The following SLIT1 variants were observed in gnomAD, a reference collection of about 807,000 sequenced individuals.
The protein encoded by SLIT1 is slit homolog 1 protein.
SLIT1 carries 66 observed loss-of-function variants against 186.1 expected under a neutral mutation model. That is an observed-to-expected ratio of 0.35 (90% confidence interval 0.29 to 0.44). SLIT1 has a LOEUF of 0.44. Ranked by LOEUF, SLIT1 falls within the 20% of genes least tolerant of loss-of-function variation. SLIT1 has a pLI of 1.00. For missense variants in SLIT1, 1,638 were observed against 2,037.4 expected (o/e 0.80, Z 3.77); for synonymous variants, 761 against 833.8 (o/e 0.91, Z 1.50).
intron 23 of SLIT1, among the ~76,000 whole-genome samples, chr10:97,032,955 C>G (rs1026261524): frequency 6.6e-6 from 1 of 152,148 alleles, no homozygotes; most frequent in African/African-American, 2.4e-5. Context: ...AACTAACCTA[C>G]AGTGACAGAA....
chr10:97,024,618 A>T (rs1395593219), intron 25 of SLIT1, among the ~76,000 whole-genome samples: 1 of 152,250 alleles, frequency 6.6e-6, no homozygotes, highest in Admixed American at 6.5e-5. Context: ...GATAACAGGA[A>T]TTTTTAAATG....
intron 13 of SLIT1, among the ~76,000 whole-genome samples, chr10:97,052,069 G>T (rs1848792582): frequency 6.6e-6 from 1 of 151,036 alleles, no homozygotes; most frequent in South Asian, 2.1e-4. Context: ...AGTCACAAAA[G>T]ATGGCATATT....
At chr10:97,037,100 A>ATGTG (rs1284444649) in intron 22 of SLIT1, among the ~76,000 whole-genome samples, 1 of 75,460 alleles carries the variant, frequency 1.3e-5, no homozygotes, top group Non-Finnish European at 2.7e-5. Context: ...GTGTGTGTGT[A>ATGTG]TGTGTGTGTG....
chr10:97,166,770 T>C (rs1194517065), intron 1 of SLIT1, among the ~76,000 whole-genome samples: 2 of 152,118 alleles, frequency 1.3e-5, no homozygotes, highest in African/African-American at 2.4e-5. Context: ...CTTTTCTGCA[T>C]CATCCAGGAA....
Position 97,059,544 on chromosome 10 carries a change from CAGA to C in SLIT1, c.1014-16_1014-14del. ...GTTGCTCAGGTCTCTGCAAGGTGAG[CAGA>C]AGGAGAGGGGGCATCTGAATCCCTC... is the stretch of plus-strand genomic sequence containing the variant. On this transcript the variant is annotated splice_polypyrimidine_tract_variant and intron_variant, in intron 10 of 36. Transcript: ENST00000266058. The C allele has an allele frequency of 6.2e-7, 1 of 1,612,382 alleles. No homozygotes were observed. Among genetic ancestry groups the C allele is most frequent in the Non-Finnish European group, 8.5e-7 (1 of 1,178,934 alleles).
At chr10:97,044,164 G>A (rs776280628) in intron 18 of SLIT1, among the ~76,000 whole-genome samples, 19 of 152,232 alleles carry the variant, frequency 1.2e-4, no homozygotes, top group Non-Finnish European at 2.6e-4. Context: ...CACTTTGGGA[G>A]GCCAAGGATT....
At chr10:97,036,245 C>T (rs575835549) in intron 22 of SLIT1, among the ~76,000 whole-genome samples, 1 of 152,208 alleles carries the variant, frequency 6.6e-6, no homozygotes, top group Non-Finnish European at 1.5e-5. Flanking sequence ...GAATGTTCAA[C>T]ACACTTTGTG....
intron 23 of SLIT1, among the ~76,000 whole-genome samples, chr10:97,033,163 C>G (rs1232304040): frequency 6.6e-6 from 1 of 152,080 alleles, no homozygotes; most frequent in Non-Finnish European, 1.5e-5. Flanking sequence ...ATCCTCCCAC[C>G]TCAGCCCCCC....
chr10:97,169,649 T>A (rs929083069), intron 1 of SLIT1, among the ~76,000 whole-genome samples: 8 of 152,216 alleles, frequency 5.3e-5, no homozygotes, highest in Admixed American at 1.3e-4. Flanking sequence ...GCCTCGAGTG[T>A]CAGGAAGATC....
chr10:97,040,434 G>A (rs983576230), intron 20 of SLIT1, among the ~76,000 whole-genome samples: 3 of 152,106 alleles, frequency 2.0e-5, no homozygotes, highest in Admixed American at 2.0e-4. Context: ...CTGCTACTCC[G>A]GGCACTGGAT....
At chr10:97,155,188 G>A (rs1449130445) in intron 4 of SLIT1, 5 of 152,268 alleles carry the variant, frequency 3.3e-5, no homozygotes, top group African/African-American at 1.2e-4. Flanking sequence ...GCCCTACCAT[G>A]TATGGGTAAG....
chr10:97,035,431 G>T (rs992746060), intron 22 of SLIT1, among the ~76,000 whole-genome samples: 2 of 152,016 alleles, frequency 1.3e-5, no homozygotes, highest in African/African-American at 4.8e-5. Context: ...CATCCCCCAG[G>T]CTCCAGCTCC....
intron 36 of SLIT1, 49 bp from the exon 37 acceptor site, chr10:97,001,399 GAGC>G: frequency 3.5e-6 from 5 of 1,445,600 alleles, no homozygotes; most frequent in Non-Finnish European, 4.8e-6. Flanking sequence ...ACCCATGGGT[GAGC>G]TGCTGCCTCC....
At chr10:97,013,930 C>G (rs986233380) in intron 29 of SLIT1, 89 bp downstream of exon 29, 5 of 1,559,824 alleles carry the variant, frequency 3.2e-6, no homozygotes, top group Non-Finnish European at 4.4e-6. Flanking sequence ...GACACTGAGG[C>G]AGGGATCCCC....
chr10:97,014,190 C>T (rs570545564), intron 28 of SLIT1, 32 bp from the exon 29 acceptor site: 2 of 1,609,872 alleles, frequency 1.2e-6, no homozygotes, highest in African/African-American at 1.3e-5. Flanking sequence ...GGAGAGACAG[C>T]CCTCTTGGAA....
At chr10:97,141,668 C>CACTGT (rs1554853309) in intron 4 of SLIT1, among the ~76,000 whole-genome samples, 2 of 108,846 alleles carry the variant, frequency 1.8e-5, no homozygotes, top group African/African-American at 7.9e-5. Flanking sequence ...TATTGCATTG[C>CACTGT]ATTGTATCGT....
chr10:97,105,778 C>T (rs549221365), intron 4 of SLIT1, among the ~76,000 whole-genome samples: 2 of 152,134 alleles, frequency 1.3e-5, no homozygotes, highest in South Asian at 4.1e-4. Flanking sequence ...CCTCTGGAGG[C>T]CACAGGTAAC....
chr10:97,161,639 G>C lies in SLIT1; in HGVS notation c.341+1741C>G, dbSNP rs142369564. 1.3e-3 allele frequency among the ~76,000 whole-genome samples: 205 copies of C among 152,274 alleles called. 8 individuals are homozygous for C. The East Asian group carries it at 0.038, about 28-fold the overall frequency. ...TAAAAATACAAAAAATTAGCTGGGC[G>C]TGGTGGCTGGCGCCTGTAATCCCAG... On this transcript the variant is annotated intron_variant, in intron 3 of 36. Transcript: ENST00000266058.
intron 4 of SLIT1, among the ~76,000 whole-genome samples, chr10:97,076,076 TG>T (rs908210370): frequency 1.3e-5 from 2 of 151,926 alleles, no homozygotes; most frequent in African/African-American, 4.8e-5. Flanking sequence ...ACAGGGCTGG[TG>T]GGGGGCAGGG....
Sources: allele counts gnomAD v4.1 joint callset (sites outside exome capture counted in the v4.1 genomes callset), GRCh38; gene constraint gnomAD v4.1.1; transcripts MANE v1.5; gene names NCBI Gene and HGNC (gene_info 2026-07-23, HGNC 2026-07-21).